MAPK4: variants seen among roughly 807,000 people sequenced by gnomAD.
MAPK4 encodes mitogen-activated protein kinase 4.
Under a neutral mutation model 47.7 loss-of-function variants are expected in MAPK4, and 22 were observed. That is an observed-to-expected ratio of 0.46 (90% CI 0.33 to 0.66). The LOEUF is 0.66. Among genes scored for constraint, MAPK4 ranks in the 30% least tolerant of loss-of-function variants. The probability of loss-of-function intolerance (pLI) is 0.02; values close to 1 mark genes in which losing one functional copy is unlikely to be tolerated. For synonymous variants in MAPK4, 390 were observed against 365.7 expected (o/e 1.07, Z -0.76); for missense variants, 736 against 831.7 (o/e 0.88, Z 1.42).
intron 2 of MAPK4, among the ~76,000 whole-genome samples, chr18:50,692,313 C>T (rs961073414): frequency 3.9e-5 from 6 of 152,168 alleles, no homozygotes; most frequent in African/African-American, 1.4e-4. Context: ...CCTCATTCTC[C>T]GTGGACCAAA....
rs536111791 is a variant in MAPK4, at chr18:50,713,563, G to A, written c.547-1516G>A. Reference sequence around the variant, plus strand: ...TAGGAGGCATGGGGCTGGGCTATGCGCAGTAGCTGCATAACAAGACACAGC... The same window carrying A: ...TAGGAGGCATGGGGCTGGGCTATGCACAGTAGCTGCATAACAAGACACAGC... On this transcript the variant is annotated intron_variant, in intron 2 of 5. Coordinates refer to ENST00000400384, the MANE Select transcript of MAPK4 (RefSeq NM_002747.4). Among the ~76,000 whole-genome samples, 9 of 152,204 alleles carry A rather than the reference G, an allele frequency of 5.9e-5. No individual in the cohort carries two copies. In the South Asian group the frequency reaches 6.2e-4, roughly 10 times the overall value.
intron 2 of MAPK4, among the ~76,000 whole-genome samples, chr18:50,710,101 A>C (rs1910268827): frequency 6.6e-6 from 1 of 152,150 alleles, no homozygotes; most frequent in African/African-American, 2.4e-5. Context: ...TGAAAGGAAA[A>C]GCAACCCTTC....
intron 1 of MAPK4, among the ~76,000 whole-genome samples, chr18:50,638,102 A>C (rs1394031836): frequency 2.0e-5 from 3 of 152,198 alleles, no homozygotes; most frequent in Non-Finnish European, 4.4e-5. Flanking sequence ...ACTGGTTCTA[A>C]CTTCATATCC....
At position 50,730,032 on chromosome 18, in the gene MAPK4, T is replaced by G; in HGVS notation, c.*178T>G. Reference sequence around the variant, plus strand: ...TTAAACTGCCTTAATAACTAGCCTTTAACCTGTGGGAGCGGGTTTGAACAG... The same window carrying G: ...TTAAACTGCCTTAATAACTAGCCTTGAACCTGTGGGAGCGGGTTTGAACAG... On this transcript the variant is annotated 3_prime_UTR_variant, in exon 6 of 6. Transcript: ENST00000400384. 1.6e-6 allele frequency: 1 copy of G among 621,100 alleles called. No individual in the cohort carries two copies. The highest frequency in any genetic ancestry group is 2.6e-6 in the Non-Finnish European group (1 of 385,504). The allele number at this position is 621,100 out of a possible 1,614,324, so 38.5% of individuals were successfully genotyped here.
chr18:50,584,108 G>C (rs1598796980), intron 1 of MAPK4, among the ~76,000 whole-genome samples: 3 of 152,162 alleles, frequency 2.0e-5, no homozygotes, highest in African/African-American at 7.2e-5. Flanking sequence ...TGCTTGCTGG[G>C]AGTTCAACTG....
rs953120198 is a variant in MAPK4, at chr18:50,687,097, A to G, written c.546+22593A>G. On this transcript the variant is annotated intron_variant, in intron 2 of 5. Coordinates refer to ENST00000400384, the MANE Select transcript of MAPK4 (RefSeq NM_002747.4). Reference sequence around the variant, plus strand: ...ATTGTACAGTTCAGTGTCTTTTAGTATATTCCCAGAGTTGTTCATTCTTGC... The same window carrying G: ...ATTGTACAGTTCAGTGTCTTTTAGTGTATTCCCAGAGTTGTTCATTCTTGC... Among the ~76,000 whole-genome samples the G allele has an allele frequency of 2.6e-5, 4 of 152,244 alleles. No homozygotes were observed. The East Asian group carries it at 7.7e-4, about 29-fold the overall frequency.
chr18:50,725,968 A>C lies in MAPK4; in HGVS notation c.860A>C (p.Asp287Ala). ...LLPEVNSEAIDFLEKILTFNP... is the reference protein window; with the variant it reads ...LLPEVNSEAIAFLEKILTFNP... The stretch of plus-strand genomic sequence containing the variant: ...CCGGCTTTGCTCCCTGCAGCCATCG[A>C]CTTTCTGGAGAAGATCCTGACCTTT... Residue 287 changes from aspartate to alanine, a missense_variant, in exon 5 of 6, where the codon GAC becomes GCC. By Grantham distance (126) the Asp-to-Ala change is moderately radical. Coordinates refer to ENST00000400384, the MANE Select transcript of MAPK4 (RefSeq NM_002747.4). 1 of 1,614,134 alleles carries C rather than the reference A, an allele frequency of 6.2e-7. No homozygotes were observed.
intron 1 of MAPK4, among the ~76,000 whole-genome samples, chr18:50,589,135 G>A (rs2042413571): frequency 6.6e-6 from 1 of 152,168 alleles, no homozygotes; most frequent in African/African-American, 2.4e-5. Context: ...TGGGTCCCTG[G>A]CTGTTGACAG....
At chr18:50,718,127 A>G (rs531469486) in intron 3 of MAPK4, among the ~76,000 whole-genome samples, 2 of 152,324 alleles carry the variant, frequency 1.3e-5, no homozygotes, top group South Asian at 4.1e-4. Flanking sequence ...TGGGAAAATG[A>G]GCCCAGAGAA....
At chr18:50,679,880 C>T (rs1179791784) in intron 2 of MAPK4, among the ~76,000 whole-genome samples, 1 of 151,990 alleles carries the variant, frequency 6.6e-6, no homozygotes, top group African/African-American at 2.4e-5. Context: ...CTGGTGGCCT[C>T]TCCCCGTGCT....
intron 1 of MAPK4, among the ~76,000 whole-genome samples, chr18:50,589,595 CAA>C (rs35570696): frequency 9.4e-5 from 11 of 116,446 alleles, no homozygotes; most frequent in African/African-American, 6.9e-5. Flanking sequence ...GACTCCGTCT[CAA>C]AAAAAAAAAA....
intron 1 of MAPK4, among the ~76,000 whole-genome samples, chr18:50,593,689 C>T (rs2042457960): frequency 1.3e-5 from 2 of 152,270 alleles, no homozygotes; most frequent in Middle Eastern, 3.4e-3. Flanking sequence ...CCAGTGAAAA[C>T]CCTGGAAGGC....
chr18:50,730,011 A>C lies in MAPK4; in HGVS notation c.*157A>C. 1 of 754,514 alleles carries C rather than the reference A, an allele frequency of 1.3e-6. No individual in the cohort carries two copies. Among genetic ancestry groups the C allele is most frequent in the Non-Finnish European group, 2.0e-6 (1 of 491,572 alleles). 46.7% of individuals were successfully genotyped at this position (754,514 alleles called of 1,614,324 possible). ...AGCGAGAGGAATGTCCATTTCTTAA[A>C]CTGCCTTAATAACTAGCCTTTAACC... On this transcript the variant is annotated 3_prime_UTR_variant, in exon 6 of 6. Transcript: ENST00000400384.
At chr18:50,661,415 G>C (rs1163405988) in intron 1 of MAPK4, among the ~76,000 whole-genome samples, 2 of 152,194 alleles carry the variant, frequency 1.3e-5, no homozygotes, top group African/African-American at 4.8e-5. Context: ...TCCTCAAACA[G>C]AGTGAATGGT....
chr18:50,729,868 G>A lies in MAPK4; in HGVS notation c.*14G>A, dbSNP rs767547524. On this transcript the variant is annotated 3_prime_UTR_variant, in exon 6 of 6. Transcript: ENST00000400384. Reference sequence around the variant, plus strand: ...GAAAGGTGGTGAGGGCGGAGGGGCCGCTCCAGGCCCCACAGAGCAGGAGAC... The same window carrying A: ...GAAAGGTGGTGAGGGCGGAGGGGCCACTCCAGGCCCCACAGAGCAGGAGAC... 2.8e-5 allele frequency: 45 copies of A among 1,582,056 alleles called. No homozygotes were observed. The highest frequency in any genetic ancestry group is 3.8e-5 in the Non-Finnish European group (44 of 1,162,258).
chr18:50,612,083 A>G (rs2042641862), intron 1 of MAPK4, among the ~76,000 whole-genome samples: 1 of 152,198 alleles, frequency 6.6e-6, no homozygotes, highest in Non-Finnish European at 1.5e-5. Context: ...CCCTCCTAGG[A>G]AGCTCTCTTC....
chr18:50,709,434 C>A (rs1355527191), intron 2 of MAPK4, among the ~76,000 whole-genome samples: 2 of 152,228 alleles, frequency 1.3e-5, no homozygotes, highest in African/African-American at 4.8e-5. Flanking sequence ...GCTAGTAAGA[C>A]TTGCAAGGGC....
At chr18:50,601,550 G>T (rs2149372653) in intron 1 of MAPK4, among the ~76,000 whole-genome samples, 1 of 151,866 alleles carries the variant, frequency 6.6e-6, no homozygotes, top group Non-Finnish European at 1.5e-5. Flanking sequence ...TTCTCTTTTG[G>T]GTGTCCTCCT....
intron 1 of MAPK4, among the ~76,000 whole-genome samples, chr18:50,656,083 C>T (rs2043107212): frequency 6.6e-6 from 1 of 152,192 alleles, no homozygotes; most frequent in African/African-American, 2.4e-5. Context: ...GGACCCCAGA[C>T]TCAAGGAGGG....
Sources: gnomAD v4.1 joint callset for allele counts (sites outside exome capture counted in the v4.1 genomes callset) on GRCh38, gnomAD v4.1.1 for gene constraint, MANE v1.5 for transcripts, NCBI Gene and HGNC (gene_info 2026-07-23, HGNC 2026-07-21) for gene names.